CDKAL1: variants seen among roughly 807,000 people sequenced by gnomAD.
CDKAL1 encodes threonylcarbamoyladenosine tRNA methylthiotransferase.
Under a neutral mutation model 68.2 loss-of-function variants are expected in CDKAL1, and 32 were observed. The ratio of observed to expected loss-of-function variants is 0.47; its 90% CI spans 0.35 to 0.63. The LOEUF (loss-of-function observed/expected upper bound fraction) is 0.63. CDKAL1 is among the 30% of genes least tolerant of loss of function. CDKAL1 has a pLI of 0.00. For synonymous variants in CDKAL1, 234 were observed against 244.3 expected (o/e 0.96, Z 0.39); for missense variants, 606 against 696.7 (o/e 0.87, Z 1.47).
intron 11 of CDKAL1, among the ~76,000 whole-genome samples, chr6:21,047,726 A>T (rs969352193): frequency 6.6e-6 from 1 of 152,192 alleles, no homozygotes; most frequent in Non-Finnish European, 1.5e-5. Flanking sequence ...TGTCAGGAAG[A>T]TCATAACAGG....
intron 13 of CDKAL1, among the ~76,000 whole-genome samples, chr6:21,192,683 T>C (rs1361293864): frequency 1.3e-5 from 2 of 152,154 alleles, no homozygotes; most frequent in Non-Finnish European, 2.9e-5. Context: ...TTTTAACCTC[T>C]AGCATGTTAC....
intron 11 of CDKAL1, among the ~76,000 whole-genome samples, chr6:21,043,201 C>T (rs913981149): frequency 2.6e-5 from 4 of 152,142 alleles, no homozygotes; most frequent in African/African-American, 9.7e-5. Flanking sequence ...AGTTATAGAG[C>T]ATAGAATGTC....
intron 9 of CDKAL1, among the ~76,000 whole-genome samples, chr6:20,918,823 A>T (rs1762830125): frequency 6.6e-6 from 1 of 152,186 alleles, no homozygotes; most frequent in Non-Finnish European, 1.5e-5. Context: ...TGATCAATTC[A>T]TCTTCCTTGT....
chr6:20,823,474 A>G (rs1777372757), intron 8 of CDKAL1, among the ~76,000 whole-genome samples: 4 of 152,184 alleles, frequency 2.6e-5, no homozygotes, highest in Admixed American at 2.6e-4. Context: ...AATGCTGATA[A>G]CTCATAATTT....
At chr6:20,585,731 C>T (rs563363473) in intron 4 of CDKAL1, among the ~76,000 whole-genome samples, 1 of 152,186 alleles carries the variant, frequency 6.6e-6, no homozygotes, top group Non-Finnish European at 1.5e-5. Context: ...GTCATCTTTG[C>T]TGGTTCCTTC....
intron 12 of CDKAL1, among the ~76,000 whole-genome samples, chr6:21,086,975 G>A (rs950911202): frequency 6.6e-6 from 1 of 152,102 alleles, no homozygotes; most frequent in Admixed American, 6.6e-5. Context: ...GGTTAAAATG[G>A]CACCCCAAAC....
At chr6:21,123,751 G>A (rs1456273248) in intron 13 of CDKAL1, among the ~76,000 whole-genome samples, 2 of 152,216 alleles carry the variant, frequency 1.3e-5, no homozygotes, top group Non-Finnish European at 2.9e-5. Flanking sequence ...TGACTTTACA[G>A]TCACTAACCC....
chr6:21,019,418 T>C (rs1768512735), intron 11 of CDKAL1, among the ~76,000 whole-genome samples: 1 of 152,198 alleles, frequency 6.6e-6, no homozygotes. Flanking sequence ...TGTATCACTT[T>C]TTTTTCTAAT....
At chr6:21,080,295 A>G (rs954710839) in intron 12 of CDKAL1, among the ~76,000 whole-genome samples, 1 of 152,160 alleles carries the variant, frequency 6.6e-6, no homozygotes, top group African/African-American at 2.4e-5. Context: ...GAATCTAACA[A>G]ACATGACTAA....
At position 20,851,691 on chromosome 6, in the gene CDKAL1, C is replaced by T. The variant is rs563138650; in HGVS notation, c.742+5513C>T. ...AAAATTTCTTGATGCCTAGTGATTTCGATTAATTTCGATATTAATGTTGGA... is the reference window on the plus strand; with the variant it reads ...AAAATTTCTTGATGCCTAGTGATTTTGATTAATTTCGATATTAATGTTGGA... On this transcript the variant is annotated intron_variant, in intron 9 of 15. Transcript: ENST00000274695. Among the ~76,000 whole-genome samples the T allele has an allele frequency of 2.3e-4, 34 of 150,688 alleles. 1 individual carries two copies. The highest frequency in any genetic ancestry group is 3.5e-4 in the Non-Finnish European group (24 of 67,826).
At chr6:20,696,809 C>G (rs1438158684) in intron 5 of CDKAL1, among the ~76,000 whole-genome samples, 1 of 152,124 alleles carries the variant, frequency 6.6e-6, no homozygotes, top group African/African-American at 2.4e-5. Flanking sequence ...CTGCTCATTT[C>G]TTTCCAGCTT....
rs144369928 is a variant in CDKAL1, at chr6:21,230,922, G to A, written c.1623G>A (p.Ala541=). ...CTGCTGCATCTCAGTGTGACTCAGC[G>A]AGTTCCAGAATGGTGCTGCCCATGC... ...HTSAASQCDS[A]SSRMVLPMPR... is the part of the protein sequence containing the mutation. Residue 541 remains alanine, a synonymous_variant, in exon 16 of 16, where the codon GCG becomes GCA. Coordinates refer to ENST00000274695, the MANE Select transcript of CDKAL1 (RefSeq NM_017774.3). 80 of 1,614,130 alleles carry A rather than the reference G, an allele frequency of 5.0e-5. No individual in the cohort carries two copies. In the East Asian group the frequency reaches 6.0e-4, roughly 12 times the overall value.
chr6:21,207,622 T>C (rs914294514), intron 15 of CDKAL1, among the ~76,000 whole-genome samples: 1 of 152,226 alleles, frequency 6.6e-6, no homozygotes, highest in African/African-American at 2.4e-5. Flanking sequence ...ATCTTGATTC[T>C]ACTATTACAA....
chr6:21,012,195 A>C (rs1768061399), intron 11 of CDKAL1, among the ~76,000 whole-genome samples: 1 of 152,234 alleles, frequency 6.6e-6, no homozygotes, highest in Non-Finnish European at 1.5e-5. Flanking sequence ...TCAAATTGTC[A>C]GAACTTAGTC....
intron 13 of CDKAL1, among the ~76,000 whole-genome samples, chr6:21,148,036 A>G (rs1055705893): frequency 6.6e-6 from 1 of 152,230 alleles, no homozygotes; most frequent in African/African-American, 2.4e-5. Context: ...TTCCTTCCTC[A>G]TAGATGTCTG....
At chr6:21,094,750 A>G (rs1224222522) in intron 12 of CDKAL1, among the ~76,000 whole-genome samples, 1 of 152,260 alleles carries the variant, frequency 6.6e-6, no homozygotes, top group Non-Finnish European at 1.5e-5. Context: ...TTAATTTACT[A>G]ATAAAATACA....
rs187128038 is a variant in CDKAL1, at chr6:20,875,762, G to T, written c.742+29584G>T. 1.4e-4 allele frequency among the ~76,000 whole-genome samples: 22 copies of T among 152,208 alleles called. No homozygotes were observed. The East Asian group carries it at 3.9e-3, about 27-fold the overall frequency. ...TTTCACATTACTAAACATGGCAATT[G>T]TGGAAAATACAAAGCTACTGAAAAT... On this transcript the variant is annotated intron_variant, in intron 9 of 15. Coordinates refer to ENST00000274695, the MANE Select transcript of CDKAL1 (RefSeq NM_017774.3).
intron 7 of CDKAL1, among the ~76,000 whole-genome samples, chr6:20,763,938 G>A (rs1774582934): frequency 6.6e-6 from 1 of 152,044 alleles, no homozygotes; most frequent in African/African-American, 2.4e-5. Context: ...TTTTTTTCCT[G>A]TATCACTTTG....
intron 5 of CDKAL1, among the ~76,000 whole-genome samples, chr6:20,722,968 C>T (rs1772457062): frequency 6.6e-6 from 1 of 152,140 alleles, no homozygotes; most frequent in Admixed American, 6.5e-5. Context: ...TTTCATTGCT[C>T]AATAAAATTT....
Sources: allele counts gnomAD v4.1 joint callset (sites outside exome capture counted in the v4.1 genomes callset), GRCh38; gene constraint gnomAD v4.1.1; transcripts MANE v1.5; gene names NCBI Gene and HGNC (gene_info 2026-07-23, HGNC 2026-07-21).